DLG4: variants seen among roughly 807,000 people sequenced by gnomAD.
The protein encoded by DLG4 is discs large MAGUK scaffold protein 4, also known as disks large homolog 4.
Under a neutral mutation model 93.8 loss-of-function variants are expected in DLG4, and 7 were observed. The ratio of observed to expected loss-of-function variants is 0.07; its 90% CI spans 0.04 to 0.14. The LOEUF (loss-of-function observed/expected upper bound fraction) is 0.14, where lower values mean the gene tolerates loss of function less well. DLG4 is among the 10% of genes least tolerant of loss of function. The pLI is 1.00. For missense variants in DLG4, 545 were observed against 992.9 expected, an observed-to-expected ratio of 0.55 and a Z score of 6.06; for synonymous variants, 341 against 387.6, an observed-to-expected ratio of 0.88 and a Z score of 1.41.
Position 7,195,028 on chromosome 17 carries a change from A to G in DLG4, c.1302-533T>C, listed in dbSNP as rs549882954. Among the ~76,000 whole-genome samples the G allele has an allele frequency of 4.6e-5, 7 of 151,494 alleles. No homozygotes were observed. The highest frequency in any genetic ancestry group is 1.5e-4 in the African/African-American group (6 of 41,350). ...AGCGAGACACCGTCTCAAAAAAAAA[A>G]AAAAAGAAAAAGAAAAAGAAAAACA... On this transcript the variant is annotated intron_variant, in intron 11 of 19. Transcript: ENST00000399506. The surrounding 1 kb of genome is among the most constrained non-coding windows in gnomAD (Gnocchi z 4.3).
chr17:7,202,527 G>A (rs776376734), intron 8 of DLG4, among the ~76,000 whole-genome samples: 2 of 152,094 alleles, frequency 1.3e-5, no homozygotes, highest in African/African-American at 4.8e-5. Flanking sequence ...AAGCAAAACG[G>A]GTCTATACTC....
upstream of DLG4, chr17:7,218,412 A>C (rs2071033442): frequency 1.5e-6 from 2 of 1,358,788 alleles, no homozygotes; most frequent in South Asian, 2.5e-5. Context: ...ACACTCATGG[A>C]GGACACCATA....
intron 8 of DLG4, among the ~76,000 whole-genome samples, chr17:7,200,856 G>GTTT (rs1243920377): frequency 6.5e-4 from 62 of 94,680 alleles, no homozygotes; most frequent in Non-Finnish European, 7.8e-4. Context: ...GCCTGTTTTG[G>GTTT]TTTTTTTTTT....
chr17:7,199,670 C>G (rs1294403096), intron 8 of DLG4, among the ~76,000 whole-genome samples: 1 of 151,898 alleles, frequency 6.6e-6, no homozygotes, highest in Non-Finnish European at 1.5e-5. Context: ...GCTCATCTTA[C>G]AGATTTATTG....
At position 7,204,265 on chromosome 17, in the gene DLG4, A is replaced by T; in HGVS notation, c.97-13T>A. 6.3e-7 allele frequency: 1 copy of T among 1,575,546 alleles called. No individual in the cohort carries two copies. Among genetic ancestry groups the T allele is most frequent in the Non-Finnish European group, 8.6e-7 (1 of 1,159,562 alleles). On this transcript the variant is annotated splice_polypyrimidine_tract_variant and intron_variant, in intron 2 of 19. Transcript: ENST00000399506. The stretch of plus-strand genomic sequence containing the variant: ...GGGGAGAATTGGCCTGTTTGGGAAA[A>T]CAAGAGACAAAAAGCAGCCTGAGCC...
chr17:7,219,871 G>A (rs778969037), upstream of DLG4: 6 of 1,539,702 alleles, frequency 3.9e-6, no homozygotes, highest in South Asian at 7.2e-5. Flanking sequence ...GCAACCGTCC[G>A]CCGCCCGGTG....
intron 17 of DLG4, 171 bp from the exon 18 acceptor site, chr17:7,192,173 G>A: frequency 2.1e-6 from 1 of 471,886 alleles, no homozygotes. Context: ...AAGCGGGTAT[G>A]GACAGAGTAA....
chr17:7,202,505 A>G (rs993926393), intron 8 of DLG4, among the ~76,000 whole-genome samples: 1 of 152,206 alleles, frequency 6.6e-6, no homozygotes, highest in South Asian at 2.1e-4. Context: ...AAACTCTTGT[A>G]TCTCTATTCA....
chr17:7,196,683 G>C lies in DLG4; in HGVS notation c.1083+74C>G, dbSNP rs1488056911. 2 of 1,580,452 alleles carry C rather than the reference G, an allele frequency of 1.3e-6. No individual in the cohort carries two copies. The highest frequency in any genetic ancestry group is 1.3e-5 in the African/African-American group (1 of 74,132). Reference sequence around the variant, plus strand: ...AGAGGACTCGGCTGCAGCCCATCCAGGCCCCTCCCCAAGAGCTCTGCGCTC... The same window carrying C: ...AGAGGACTCGGCTGCAGCCCATCCACGCCCCTCCCCAAGAGCTCTGCGCTC... On this transcript the variant is annotated intron_variant, in intron 9 of 19. Transcript: ENST00000399506. The surrounding 1 kb of genome is among the most constrained non-coding windows in gnomAD (Gnocchi z 8.3).
intron 8 of DLG4, among the ~76,000 whole-genome samples, chr17:7,199,256 G>A (rs2069985051): frequency 6.6e-6 from 1 of 151,810 alleles, no homozygotes; most frequent in Non-Finnish European, 1.5e-5. Context: ...CTGGTGTGCA[G>A]TGGTGCGATC....
At chr17:7,219,805 G>A, upstream of DLG4, 1 of 1,526,054 alleles carries the variant, frequency 6.6e-7, no homozygotes, top group Non-Finnish European at 8.8e-7. Context: ...CTCTAAGTCA[G>A]CGGAACGCAG....
At chr17:7,218,905 T>C, upstream of DLG4, 2 of 1,586,360 alleles carry the variant, frequency 1.3e-6, no homozygotes, top group Non-Finnish European at 1.7e-6. Flanking sequence ...GTTGAGCTGC[T>C]TCTCCCCACT....
rs1420606737 is a variant in DLG4, at chr17:7,203,835, G to C, written c.211-19C>G. 6.2e-7 allele frequency: 1 copy of C among 1,612,950 alleles called. No individual in the cohort carries two copies. Among genetic ancestry groups the C allele is most frequent in the Middle Eastern group, 1.7e-4 (1 of 6,030 alleles). On this transcript the variant is annotated intron_variant, in intron 4 of 19. Transcript: ENST00000399506. This position sits in a 1 kb window ranked among gnomAD's most constrained non-coding sequence, Gnocchi z 7.2. Reference sequence around the variant, plus strand: ...AGTTACCCTGGGTGAAGGAGGGGAAGAGGGTCAGCTCCCCTCACTGCCCAA... The same window carrying C: ...AGTTACCCTGGGTGAAGGAGGGGAACAGGGTCAGCTCCCCTCACTGCCCAA...
intron 17 of DLG4, 79 bp from the exon 18 acceptor site, chr17:7,192,081 C>T (rs1047000089): frequency 1.3e-5 from 10 of 770,126 alleles, no homozygotes; most frequent in Admixed American, 1.3e-4. Flanking sequence ...GGGACACGGA[C>T]GGGGAGAGGT....
Position 7,203,533 on chromosome 17 carries a change from C to A in DLG4, c.396G>T (p.Ala132=), listed in dbSNP as rs182090477. 6 of 1,613,668 alleles carry A rather than the reference C, an allele frequency of 3.7e-6. 1 individual carries two copies. The highest frequency in any genetic ancestry group is 5.1e-6 in the Non-Finnish European group (6 of 1,179,688). ...EVDVREVTHS[A]AVEALKEAGS... is the part of the protein sequence containing the mutation. ...CTGCCTCTTTGAGGGCTTCCACCGC[C>A]GCTGAGTGGGTCACCTCGCGCACGT... The change falls in exon 6 of 20, where the codon GCG becomes GCT. Residue 132 remains alanine (A), a synonymous_variant. Coordinates refer to ENST00000399506, the MANE Select transcript of DLG4 (RefSeq NM_001321075.3). This position sits in a 1 kb window ranked among gnomAD's most constrained non-coding sequence, Gnocchi z 7.2.
chr17:7,214,363 T>G (rs918772687), intron 1 of DLG4, among the ~76,000 whole-genome samples: 4 of 151,996 alleles, frequency 2.6e-5, no homozygotes, highest in African/African-American at 4.8e-5. Context: ...TCCTCCCCTT[T>G]CCGAAGGTTG....
At chr17:7,200,763 C>T (rs1005837378) in intron 8 of DLG4, among the ~76,000 whole-genome samples, 2 of 151,606 alleles carry the variant, frequency 1.3e-5, no homozygotes, top group African/African-American at 4.8e-5. Flanking sequence ...TTAGGCTGGT[C>T]TCGAACTCCC....
intron 2 of DLG4, 165 bp from the exon 3 acceptor site, chr17:7,204,417 A>ACGCACACGCGTGCACATG (rs1268953359): frequency 6.2e-6 from 4 of 643,914 alleles, no homozygotes; most frequent in Non-Finnish European, 8.1e-6. Flanking sequence ...CATCACACAC[A>ACGCACACGCGTGCACATG]CGCACACGCG....
At chr17:7,209,836 G>A (rs1305086273) in intron 1 of DLG4, among the ~76,000 whole-genome samples, 1 of 152,114 alleles carries the variant, frequency 6.6e-6, no homozygotes, top group Non-Finnish European at 1.5e-5. Context: ...ATCACCTGAG[G>A]TCAGAGACCA....
Sources: gnomAD v4.1 joint callset for allele counts (sites outside exome capture counted in the v4.1 genomes callset) on GRCh38, gnomAD v4.1.1 for gene constraint, Gnocchi (gnomAD v3.1) non-coding constraint, MANE v1.5 for transcripts, NCBI Gene and HGNC (gene_info 2026-07-23, HGNC 2026-07-21) for gene names.